Variants in SORBS2 observed in about 807,000 individuals in gnomAD.
SORBS2 encodes the protein sorbin and SH3 domain-containing protein 2.
Under a neutral mutation model 97.7 loss-of-function variants are expected in SORBS2, and 46 were observed. The ratio of observed to expected loss-of-function variants is 0.47; its 90% CI spans 0.37 to 0.60. The LOEUF is 0.60. Among genes scored for constraint, SORBS2 ranks in the 20% least tolerant of loss-of-function variants. SORBS2 has a pLI of 0.00. For missense variants in SORBS2, 1,316 were observed against 1,282.3 expected (o/e 1.03, Z -0.40); for synonymous variants, 476 against 473.4 (o/e 1.01, Z -0.07).
chr4:185,657,459 C>G (rs1284203586), upstream of SORBS2: 3 of 1,559,802 alleles, frequency 1.9e-6, no homozygotes, highest in Admixed American at 4.4e-5. Flanking sequence ...GATTCATCCA[C>G]GGGCCCGATC....
chr4:185,596,797 T>A (rs2096109414), intron 12 of SORBS2, among the ~76,000 whole-genome samples: 1 of 152,050 alleles, frequency 6.6e-6, no homozygotes, highest in Non-Finnish European at 1.5e-5. Context: ...CCTCCTAAAG[T>A]GCTGGGATTA....
At chr4:185,666,213 A>G (rs1300256985) in intron 4 of SORBS2, 5 of 1,258,754 alleles carry the variant, frequency 4.0e-6, no homozygotes, top group Non-Finnish European at 5.2e-6. Flanking sequence ...CAAGCTGAGT[A>G]TGAGGAAAAA....
At chr4:185,747,866 C>A (rs957254491) in intron 2 of SORBS2, among the ~76,000 whole-genome samples, 1 of 152,036 alleles carries the variant, frequency 6.6e-6, no homozygotes, top group African/African-American at 2.4e-5. Context: ...TGGAGGGCGC[C>A]GGTAATCCCA....
intron 4 of SORBS2, among the ~76,000 whole-genome samples, chr4:185,675,665 A>G (rs1174992879): frequency 2.6e-5 from 4 of 152,232 alleles, no homozygotes; most frequent in Non-Finnish European, 5.9e-5. Context: ...ATTAATAAAC[A>G]TAAACAAGCT....
chr4:185,941,566 C>A (rs551695631), intron 1 of SORBS2, among the ~76,000 whole-genome samples: 29 of 152,296 alleles, frequency 1.9e-4, no homozygotes, highest in Middle Eastern at 6.8e-3. Flanking sequence ...AAGCTGACTT[C>A]CCGGGAAATG....
chr4:185,824,043 A>G (rs1252022299), intron 1 of SORBS2, among the ~76,000 whole-genome samples: 1 of 152,176 alleles, frequency 6.6e-6, no homozygotes, highest in Non-Finnish European at 1.5e-5. Context: ...TTTTGTATCA[A>G]AATGGCCATG....
Position 185,783,587 on chromosome 4 carries a change from G to A in SORBS2, c.-337-8221C>T, listed in dbSNP as rs114760905. 2.5e-3 allele frequency among the ~76,000 whole-genome samples: 378 copies of A among 152,266 alleles called. 2 individuals carry two copies. The highest frequency in any genetic ancestry group is 8.5e-3 in the African/African-American group (351 of 41,534). The stretch of plus-strand genomic sequence containing the variant: ...AAACAAAAAGGTATGGGAGAGACAC[G>A]TTAAGAGATCAGTAACCATGTTGTA... On this transcript the variant is annotated intron_variant, in intron 1 of 20. Coordinates refer to the SORBS2 transcript ENST00000284776.
intron 1 of SORBS2, among the ~76,000 whole-genome samples, chr4:185,787,539 G>A (rs2099061910): frequency 6.6e-6 from 1 of 152,144 alleles, no homozygotes; most frequent in Non-Finnish European, 1.5e-5. Flanking sequence ...TTACTTTGTA[G>A]AAAGATTGAA....
chr4:185,774,720 C>G (rs2098991583), intron 2 of SORBS2: 1 of 152,174 alleles, frequency 6.6e-6, no homozygotes, highest in African/African-American at 2.4e-5. Context: ...CCAGATTCCC[C>G]CAAATCAACC....
rs986913919 is a variant in SORBS2, at chr4:185,942,365, T to A, written c.-338+13831A>T. 3.9e-5 allele frequency among the ~76,000 whole-genome samples: 6 copies of A among 151,946 alleles called. No homozygotes were observed. The East Asian group carries it at 1.2e-3, about 30-fold the overall frequency. Reference sequence around the variant, plus strand: ...CCCTAGGTTTATATTTTCTTTTTTTTTTTGAGTTGGAACCTCACTTTGTCA... The same window carrying A: ...CCCTAGGTTTATATTTTCTTTTTTTATTTGAGTTGGAACCTCACTTTGTCA... On this transcript the variant is annotated intron_variant, in intron 1 of 20. Coordinates refer to the SORBS2 transcript ENST00000284776.
intron 5 of SORBS2, among the ~76,000 whole-genome samples, chr4:185,628,467 T>C (rs1295318687): frequency 6.6e-6 from 1 of 152,200 alleles, no homozygotes; most frequent in East Asian, 1.9e-4. Flanking sequence ...AAATAATGAA[T>C]GAAGGCTGAG....
chr4:185,843,940 G>T (rs2153678330), intron 1 of SORBS2, among the ~76,000 whole-genome samples: 1 of 152,330 alleles, frequency 6.6e-6, no homozygotes, highest in South Asian at 2.1e-4. Context: ...AGACAAAGTT[G>T]GAGGCCTTAC....
chr4:185,648,983 T>C (rs2097263445), intron 3 of SORBS2, among the ~76,000 whole-genome samples: 1 of 152,224 alleles, frequency 6.6e-6, no homozygotes, highest in South Asian at 2.1e-4. Flanking sequence ...TATAAAAATA[T>C]TTCAGTGGAG....
chr4:185,768,569 C>T (rs1375949003), intron 2 of SORBS2, among the ~76,000 whole-genome samples: 2 of 152,006 alleles, frequency 1.3e-5, no homozygotes, highest in Non-Finnish European at 2.9e-5. Flanking sequence ...CGTGGTGACA[C>T]GTGCCTGTAA....
Position 185,646,798 on chromosome 4 carries a change from A to T in SORBS2, c.282-16T>A. The T allele has an allele frequency of 7.3e-7, 1 of 1,362,778 alleles. No homozygotes were observed. Among genetic ancestry groups the T allele is most frequent in the Non-Finnish European group, 1.1e-6 (1 of 950,650 alleles). 84.4% of individuals were successfully genotyped at this position (1,362,778 alleles called of 1,614,324 possible). A position where few individuals can be genotyped will look rare whatever the true frequency, so the allele number is the denominator to read the frequency against. ...CCAGTCATGCCTAGAAATAAACAAT[A>T]AATCACACATTAAAATAATCCTTTT... On this transcript the variant is annotated splice_polypyrimidine_tract_variant and intron_variant, in intron 3 of 14. Transcript: ENST00000418609.
At chr4:185,770,575 CT>C (rs1328240048) in intron 2 of SORBS2, among the ~76,000 whole-genome samples, 1 of 152,080 alleles carries the variant, frequency 6.6e-6, no homozygotes, top group Non-Finnish European at 1.5e-5. Context: ...AGAATGCAGA[CT>C]TCTAGAAATG....
intron 1 of SORBS2, among the ~76,000 whole-genome samples, chr4:185,939,694 G>A (rs569784456): frequency 2.8e-4 from 42 of 152,238 alleles, no homozygotes; most frequent in Non-Finnish European, 4.7e-4. Context: ...ATTTTTAGTA[G>A]ACAGGGTTTC....
chr4:185,760,086 A>G (rs769125574), intron 2 of SORBS2, among the ~76,000 whole-genome samples: 13 of 152,180 alleles, frequency 8.5e-5, no homozygotes, highest in Non-Finnish European at 1.8e-4. Context: ...TTAACTTTAT[A>G]CAACAGATTC....
chr4:185,773,898 T>C lies in SORBS2; in HGVS notation c.-198+1329A>G. 1.3e-5 allele frequency: 2 copies of C among 152,062 alleles called. 1 individual carries two copies. Among genetic ancestry groups the C allele is most frequent in the Non-Finnish European group, 2.9e-5 (2 of 68,006 alleles). The allele number at this position is 152,062 out of a possible 1,614,324, so 9.4% of individuals were successfully genotyped here. A position where few individuals can be genotyped will look rare whatever the true frequency, so the allele number is the denominator to read the frequency against. On this transcript the variant is annotated intron_variant, in intron 2 of 20. Coordinates refer to the SORBS2 transcript ENST00000284776. ...CATTTTTAAGAAATCCCTTATCCCTTACACAGCAGAAGTTTCACTCGTAAA... is the reference window on the plus strand; with the variant it reads ...CATTTTTAAGAAATCCCTTATCCCTCACACAGCAGAAGTTTCACTCGTAAA...
Sources: allele counts gnomAD v4.1 joint callset (sites outside exome capture counted in the v4.1 genomes callset), GRCh38; gene constraint gnomAD v4.1.1; transcripts MANE v1.5; gene names NCBI Gene and HGNC (gene_info 2026-07-23, HGNC 2026-07-21).